Variants in RIMS2 observed in about 807,000 individuals in gnomAD.
RIMS2 encodes the protein regulating synaptic membrane exocytosis 2.
RIMS2 carries 59 observed loss-of-function variants against 174.4 expected under a neutral mutation model. That is an observed-to-expected ratio of 0.34 (90% CI 0.27 to 0.42). RIMS2 has a LOEUF of 0.42. Among genes scored for constraint, RIMS2 ranks in the 10% least tolerant of loss-of-function variants. The pLI, the probability that RIMS2 is intolerant of heterozygous loss-of-function variation, is 1.00. For missense variants in RIMS2, 1,620 were observed against 1,666.3 expected (o/e 0.97, Z 0.48); for synonymous variants, 606 against 572.5 (o/e 1.06, Z -0.84).
At chr8:103,500,958 C>G in exon 1 of RIMS2, 1 of 1,609,748 alleles carries the variant, frequency 6.2e-7, no homozygotes, top group Non-Finnish European at 8.5e-7. Flanking sequence ...CTCTGCAGCC[C>G]GAGATGCCTG....
chr8:104,189,260 C>G (rs2098985021), intron 19 of RIMS2, among the ~76,000 whole-genome samples: 1 of 151,946 alleles, frequency 6.6e-6, no homozygotes, highest in Admixed American at 6.6e-5. Context: ...AAAAGAGCAC[C>G]TGTTCTCTCC....
At chr8:104,013,483 G>C in exon 18 of RIMS2, 1 of 1,613,888 alleles carries the variant, frequency 6.2e-7, no homozygotes, top group South Asian at 1.1e-5. Flanking sequence ...CACAGATCCA[G>C]ATCAACAGAA....
rs554336151 is a variant in RIMS2 at position 103,572,566 on chromosome 8, G to T, written c.176+71504G>T. Among the ~76,000 whole-genome samples, 30 of 146,286 alleles carry T rather than the reference G, an allele frequency of 2.1e-4. No individual in the cohort carries two copies. The East Asian group carries it at 2.6e-3, about 13-fold the overall frequency. On this transcript the variant is annotated intron_variant, in intron 1 of 23. Transcript: ENST00000504942. ...TCTGCAGCATTGCCAAAATCTGTTT[G>T]TTTTTTTTTTCACTTTTTAATAATG...
rs117184345 is a variant in RIMS2, at chr8:104,071,743, T to C, written c.3334+57128T>C. On this transcript the variant is annotated intron_variant, in intron 19 of 23. Transcript: ENST00000504942. Reference sequence around the variant, plus strand: ...GAGCCACCACGCCCGGCCGGGTCCCTGTGTTTTAACAAGTCTATCAGATGA... The same window carrying C: ...GAGCCACCACGCCCGGCCGGGTCCCCGTGTTTTAACAAGTCTATCAGATGA... Among the ~76,000 whole-genome samples the C allele has an allele frequency of 7.0e-3, 1,073 of 152,244 alleles. 37 individuals are homozygous for C. The highest frequency in any genetic ancestry group is 0.058 in the Admixed American group (884 of 15,294).
intron 19 of RIMS2, among the ~76,000 whole-genome samples, chr8:104,212,928 T>C (rs2099111905): frequency 6.6e-6 from 1 of 152,186 alleles, no homozygotes; most frequent in Non-Finnish European, 1.5e-5. Flanking sequence ...CCGTCATACA[T>C]GCTGTCCCCT....
intron 3 of RIMS2, among the ~76,000 whole-genome samples, chr8:103,789,749 C>CTTTTTTTTTTTT (rs11354049): frequency 3.5e-5 from 3 of 85,184 alleles, no homozygotes; most frequent in East Asian, 3.6e-4. Flanking sequence ...GGATTGTACT[C>CTTTTTTTTTTTT]TTTTTTTTTT....
chr8:104,118,344 T>A (rs936531653), intron 19 of RIMS2, among the ~76,000 whole-genome samples: 2 of 146,270 alleles, frequency 1.4e-5, no homozygotes, highest in African/African-American at 5.2e-5. Flanking sequence ...TTTTTGTTTG[T>A]TTATTTTTTG....
chr8:103,669,095 T>C (rs2096712143), intron 1 of RIMS2, among the ~76,000 whole-genome samples: 1 of 152,162 alleles, frequency 6.6e-6, no homozygotes, highest in African/African-American at 2.4e-5. Context: ...ACTCATAGTT[T>C]GATGTGGCTG....
At chr8:103,975,254 A>G in intron 15 of RIMS2, 96 bp from the exon 18 acceptor site, 1 of 704,130 alleles carries the variant, frequency 1.4e-6, no homozygotes, top group Non-Finnish European at 2.3e-6. Context: ...AGAAGTCTTT[A>G]AATTTCACCA....
At chr8:103,916,895 A>G (rs1207922202) in intron 8 of RIMS2, among the ~76,000 whole-genome samples, 3 of 152,134 alleles carry the variant, frequency 2.0e-5, no homozygotes, top group Non-Finnish European at 4.4e-5. Context: ...CATAGGAAAG[A>G]AAGGGCCAAA....
At position 103,572,770 on chromosome 8, in the gene RIMS2, A is replaced by ATT. The variant is rs370886980; in HGVS notation, c.176+71708_176+71709insTT. 6.4e-3 allele frequency among the ~76,000 whole-genome samples: 974 copies of ATT among 151,928 alleles called. 10 individuals are homozygous for ATT. Among genetic ancestry groups the ATT allele is most frequent in the African/African-American group, 0.022 (905 of 41,436 alleles). ...TGGGGTCATTTATTTTTTATTTGTCAATTTATTTAAGTTCCTTATAGATTT... is the reference window on the plus strand; with the variant it reads ...TGGGGTCATTTATTTTTTATTTGTCATTATTTATTTAAGTTCCTTATAGATTT... On this transcript the variant is annotated intron_variant, in intron 1 of 23. Coordinates refer to ENST00000504942, the Ensembl canonical transcript of RIMS2.
chr8:103,948,045 T>G (rs1396427170), intron 14 of RIMS2, among the ~76,000 whole-genome samples: 1 of 152,174 alleles, frequency 6.6e-6, no homozygotes, highest in Non-Finnish European at 1.5e-5. Context: ...TGATAGTTAT[T>G]TGAAAGATTA....
At chr8:103,571,045 G>A (rs541427129) in intron 1 of RIMS2, among the ~76,000 whole-genome samples, 6 of 151,644 alleles carry the variant, frequency 4.0e-5, no homozygotes, top group African/African-American at 1.2e-4. Context: ...CCTTTTTCTT[G>A]TCTGTATAAA....
At chr8:103,528,644 A>G (rs1835311544) in intron 1 of RIMS2, among the ~76,000 whole-genome samples, 1 of 152,212 alleles carries the variant, frequency 6.6e-6, no homozygotes, top group African/African-American at 2.4e-5. Flanking sequence ...TTTATTAAAT[A>G]GGGAATCCTT....
chr8:103,620,487 T>C (rs1304586818), intron 1 of RIMS2, among the ~76,000 whole-genome samples: 2 of 152,174 alleles, frequency 1.3e-5, no homozygotes, highest in Admixed American at 6.5e-5. Context: ...CTTATCATTA[T>C]TAGTTTGGGG....
chr8:103,825,252 C>T (rs1486567487), intron 3 of RIMS2, among the ~76,000 whole-genome samples: 1 of 151,758 alleles, frequency 6.6e-6, no homozygotes, highest in African/African-American at 2.4e-5. Context: ...TTTGATAAGG[C>T]ATTTTACTCA....
chr8:103,908,677 C>T (rs1231977506), intron 4 of RIMS2, among the ~76,000 whole-genome samples: 2 of 152,100 alleles, frequency 1.3e-5, no homozygotes, highest in Non-Finnish European at 2.9e-5. Flanking sequence ...ACTTCAAAAA[C>T]ATCTCTCAAT....
intron 17 of RIMS2, among the ~76,000 whole-genome samples, chr8:104,009,994 A>C (rs1046623351): frequency 3.3e-5 from 5 of 151,434 alleles, no homozygotes; most frequent in African/African-American, 1.2e-4. Context: ...GGATAGATGG[A>C]TGGATGGATG....
intron 3 of RIMS2, among the ~76,000 whole-genome samples, chr8:103,827,865 G>C (rs934293970): frequency 2.6e-5 from 4 of 151,256 alleles, no homozygotes; most frequent in South Asian, 2.1e-4. Flanking sequence ...AAGGTGCAAC[G>C]GTAGATAACT....
Sources: allele counts gnomAD v4.1 joint callset (sites outside exome capture counted in the v4.1 genomes callset), GRCh38; gene constraint gnomAD v4.1.1; transcripts MANE v1.5; gene names NCBI Gene and HGNC (gene_info 2026-07-23, HGNC 2026-07-21).